DTD1: variants seen among roughly 807,000 people sequenced by gnomAD.
DTD1 encodes D-aminoacyl-tRNA deacylase 1, also known as D-tyrosyl-tRNA deacylase 1 homolog.
Under a neutral mutation model 25.6 loss-of-function variants are expected in DTD1, and 13 were observed. The observed-to-expected ratio is 0.51, with a 90% confidence interval of 0.33 to 0.81. The LOEUF is 0.81. Ranked by LOEUF, DTD1 falls within the 30% of genes least tolerant of loss-of-function variation. The pLI is 0.02. For missense variants in DTD1, 193 were observed against 266.4 expected (o/e 0.72, Z 1.92); for synonymous variants, 110 against 103.6 (o/e 1.06, Z -0.37).
At chr20:18,642,408 C>A (rs1202796340) in intron 4 of DTD1, among the ~76,000 whole-genome samples, 6 of 152,026 alleles carry the variant, frequency 3.9e-5, no homozygotes, top group Non-Finnish European at 8.8e-5. Flanking sequence ...CCTATCTCTG[C>A]CTCCTACAGT....
intron 4 of DTD1, among the ~76,000 whole-genome samples, chr20:18,713,174 C>T (rs1305962576): frequency 2.0e-5 from 3 of 152,228 alleles, no homozygotes; most frequent in Non-Finnish European, 4.4e-5. Context: ...TGAAAGATGC[C>T]TTTTTTTGTG....
intron 4 of DTD1, among the ~76,000 whole-genome samples, chr20:18,644,981 A>T (rs1364749676): frequency 6.6e-6 from 1 of 152,134 alleles, no homozygotes; most frequent in Non-Finnish European, 1.5e-5. Flanking sequence ...CTCCATCTCT[A>T]CAAATAATAA....
intron 3 of DTD1, among the ~76,000 whole-genome samples, chr20:18,624,669 A>G (rs2122304222): frequency 6.6e-6 from 1 of 152,222 alleles, no homozygotes; most frequent in Admixed American, 6.5e-5. Flanking sequence ...CAGTTAGACA[A>G]CCATATAGCC....
intron 2 of DTD1, among the ~76,000 whole-genome samples, chr20:18,595,230 C>A (rs2060605648): frequency 6.6e-6 from 1 of 152,094 alleles, no homozygotes; most frequent in Non-Finnish European, 1.5e-5. Context: ...TTGCAATAAC[C>A]ATGATTTTTC....
At chr20:18,627,077 T>A (rs6045521) in intron 3 of DTD1, among the ~76,000 whole-genome samples, 77,809 of 152,090 alleles carry the variant, frequency 0.51, 20,294 homozygotes, top group Middle Eastern at 0.57. Context: ...AGTCATCATT[T>A]TTTGAGCACC....
intron 5 of DTD1, among the ~76,000 whole-genome samples, chr20:18,760,950 C>G (rs1471239688): frequency 6.6e-6 from 1 of 152,336 alleles, no homozygotes; most frequent in South Asian, 2.1e-4. Flanking sequence ...GCCCCTCCCC[C>G]AGCCTTGCTG....
intron 4 of DTD1, among the ~76,000 whole-genome samples, chr20:18,638,474 G>T (rs901834047): frequency 6.6e-6 from 1 of 152,180 alleles, no homozygotes; most frequent in East Asian, 1.9e-4. Context: ...AGGTGCAAGC[G>T]CTAGGGAAGG....
At chr20:18,588,178 C>T in intron 1 of DTD1, 63 bp downstream of exon 1, 1 of 1,206,422 alleles carries the variant, frequency 8.3e-7, no homozygotes, top group Non-Finnish European at 1.0e-6. Flanking sequence ...GGCTGTCTTG[C>T]GTGGGGGGTC....
At chr20:18,664,844 C>T (rs546560725) in intron 4 of DTD1, among the ~76,000 whole-genome samples, 144 of 152,250 alleles carry the variant, frequency 9.5e-4, no homozygotes, top group African/African-American at 3.2e-3. Flanking sequence ...TTACCCTTCT[C>T]AGGCATCTAG....
chr20:18,641,837 T>C (rs558863655), intron 4 of DTD1, among the ~76,000 whole-genome samples: 18 of 152,246 alleles, frequency 1.2e-4, no homozygotes, highest in African/African-American at 4.3e-4. Context: ...GTTGGTGGTG[T>C]TTTCTGATGT....
At chr20:18,720,554 G>A (rs961532487) in intron 4 of DTD1, among the ~76,000 whole-genome samples, 1 of 152,070 alleles carries the variant, frequency 6.6e-6, no homozygotes, top group African/African-American at 2.4e-5. Flanking sequence ...CTCCCAACAG[G>A]TAACTTTAAA....
At chr20:18,657,502 A>G (rs186830692) in intron 4 of DTD1, among the ~76,000 whole-genome samples, 1 of 152,246 alleles carries the variant, frequency 6.6e-6, no homozygotes, top group African/African-American at 2.4e-5. Context: ...ACCTTAGCTA[A>G]TTGGGTTGCC....
intron 4 of DTD1, among the ~76,000 whole-genome samples, chr20:18,720,274 G>C (rs1325044549): frequency 6.6e-6 from 1 of 152,198 alleles, no homozygotes; most frequent in African/African-American, 2.4e-5. Flanking sequence ...ACTATTGACT[G>C]TTAAGAGAAC....
chr20:18,589,338 G>C (rs1056442266), intron 1 of DTD1, among the ~76,000 whole-genome samples: 1 of 151,832 alleles, frequency 6.6e-6, no homozygotes, highest in Admixed American at 6.6e-5. Flanking sequence ...GCGACAGAGC[G>C]AGACTCTGTC....
intron 4 of DTD1, among the ~76,000 whole-genome samples, chr20:18,640,051 ATTT>A (rs11087260): frequency 1.4e-5 from 2 of 145,458 alleles, no homozygotes. Context: ...TGCTCTGAGG[ATTT>A]TTTTTTTTTT....
chr20:18,687,038 A>G (rs904814631), intron 4 of DTD1, among the ~76,000 whole-genome samples: 13 of 152,214 alleles, frequency 8.5e-5, no homozygotes, highest in Non-Finnish European at 2.9e-5. Flanking sequence ...GTATGGAGCT[A>G]TGGGAAATGG....
chr20:18,705,177 A>G (rs368725238), intron 4 of DTD1, among the ~76,000 whole-genome samples: 34 of 152,350 alleles, frequency 2.2e-4, no homozygotes, highest in African/African-American at 8.2e-4. Context: ...TGCTGTTTTA[A>G]GGAACTTGAA....
At position 18,744,283 on chromosome 20, in the gene DTD1, C is replaced by T. The variant is rs984702724; in HGVS notation, c.*19+12C>T. The stretch of plus-strand genomic sequence containing the variant: ...GAGGCAGAATTCAGGTAGGAGTTTC[C>T]CTGCTTGGCTTCATCTTCCCACATT... On this transcript the variant is annotated intron_variant, in intron 5 of 5. Coordinates refer to ENST00000377452, the MANE Select transcript of DTD1 (RefSeq NM_080820.6). 1 of 1,608,118 alleles carries T rather than the reference C, an allele frequency of 6.2e-7. No individual in the cohort carries two copies.
At chr20:18,589,609 A>T (rs1214832090) in intron 1 of DTD1, among the ~76,000 whole-genome samples, 2 of 152,212 alleles carry the variant, frequency 1.3e-5, no homozygotes, top group Non-Finnish European at 2.9e-5. Flanking sequence ...ATTTAAATTC[A>T]TGAAAACTGG....
Sources: gnomAD v4.1 joint callset for allele counts (sites outside exome capture counted in the v4.1 genomes callset) on GRCh38, gnomAD v4.1.1 for gene constraint, MANE v1.5 for transcripts, NCBI Gene and HGNC (gene_info 2026-07-23, HGNC 2026-07-21) for gene names.